The following DYNC1LI2 variants were observed in gnomAD, a reference collection of about 807,000 sequenced individuals.
DYNC1LI2 encodes dynein cytoplasmic 1 light intermediate chain 2.
Under a neutral mutation model 57.8 loss-of-function variants are expected in DYNC1LI2, and 19 were observed. The observed-to-expected ratio is 0.33, with a 90% CI of 0.23 to 0.48. DYNC1LI2 has a LOEUF of 0.48. Among genes scored for constraint, DYNC1LI2 ranks in the 20% least tolerant of loss-of-function variants. The probability of loss-of-function intolerance (pLI) is 0.99; values close to 1 mark genes in which losing one functional copy is unlikely to be tolerated. For missense variants in DYNC1LI2, 470 were observed against 604.2 expected, an observed-to-expected ratio of 0.78 and a Z score of 2.33; for synonymous variants, 256 against 233.4, an observed-to-expected ratio of 1.10 and a Z score of -0.88.
intron 12 of DYNC1LI2, among the ~76,000 whole-genome samples, chr16:66,725,043 G>A (rs1240046083): frequency 8.6e-5 from 13 of 151,688 alleles, no homozygotes; most frequent in South Asian, 2.1e-4. Context: ...ATGTGGTGGC[G>A]CGTGCCTGTA....
At chr16:66,736,937 G>C (rs1015320484) in intron 4 of DYNC1LI2, among the ~76,000 whole-genome samples, 2 of 152,182 alleles carry the variant, frequency 1.3e-5, no homozygotes, top group African/African-American at 4.8e-5. Flanking sequence ...CTGACCATTA[G>C]AAACAGCTAT....
chr16:66,745,421 G>C (rs1268621261), intron 3 of DYNC1LI2, among the ~76,000 whole-genome samples: 2 of 151,838 alleles, frequency 1.3e-5, no homozygotes. Flanking sequence ...TGGGATTACA[G>C]TTGTGTGCCA....
Position 66,729,526 on chromosome 16 carries a change from C to G in DYNC1LI2, c.1042-427G>C, listed in dbSNP as rs2017595923. 2.0e-5 allele frequency among the ~76,000 whole-genome samples: 3 copies of G among 151,774 alleles called. 1 individual carries two copies. Among genetic ancestry groups the G allele is most frequent in the Admixed American group, 6.6e-5 (1 of 15,222 alleles). Reference sequence around the variant, plus strand: ...AGGCCCTGGGACTTACTACTCCCCACTACCCCCCACAAACTATACAATGTG... The same window carrying G: ...AGGCCCTGGGACTTACTACTCCCCAGTACCCCCCACAAACTATACAATGTG... On this transcript the variant is annotated intron_variant, in intron 8 of 12. Coordinates refer to ENST00000258198, the MANE Select transcript of DYNC1LI2 (RefSeq NM_006141.3).
At chr16:66,724,969 C>T (rs763121783) in intron 12 of DYNC1LI2, among the ~76,000 whole-genome samples, 25 of 151,782 alleles carry the variant, frequency 1.6e-4, no homozygotes, top group Non-Finnish European at 2.8e-4. Flanking sequence ...GTCAGGAGTT[C>T]GAGAACAGCC....
At position 66,722,384 on chromosome 16, in the gene DYNC1LI2, G is replaced by A. The variant is rs1289075072; in HGVS notation, c.*1338C>T. On this transcript the variant is annotated 3_prime_UTR_variant, in exon 13 of 13. Coordinates refer to ENST00000258198, the MANE Select transcript of DYNC1LI2 (RefSeq NM_006141.3). The stretch of plus-strand genomic sequence containing the variant: ...ATACATTAAATTCATGGTAGTGTTT[G>A]CATTTAAATGCTGTCATATATAAAA... 1 of 152,572 alleles carries A rather than the reference G, an allele frequency of 6.6e-6. No homozygotes were observed. The highest frequency in any genetic ancestry group is 1.5e-5 in the Non-Finnish European group (1 of 68,034). 9.5% of individuals were successfully genotyped at this position (152,572 alleles called of 1,614,324 possible). A position where few individuals can be genotyped will look rare whatever the true frequency, so the allele number is the denominator to read the frequency against.
At chr16:66,738,349 AG>A (rs1475635766) in intron 4 of DYNC1LI2, 2 of 149,002 alleles carry the variant, frequency 1.3e-5, no homozygotes, top group African/African-American at 5.0e-5. Context: ...GCCGGGTTTA[AG>A]TAATTCTCTG....
chr16:66,732,672 TA>T, intron 6 of DYNC1LI2, 198 bp from the exon 7 acceptor site: 1 of 434,956 alleles, frequency 2.3e-6, no homozygotes, highest in Non-Finnish European at 3.9e-6. Flanking sequence ...AATAAATAAA[TA>T]AAAAAGTAAA....
chr16:66,723,103 A>G lies in DYNC1LI2; in HGVS notation c.*619T>C. 2.9e-6 allele frequency: 1 copy of G among 345,666 alleles called. No individual in the cohort carries two copies. 21.4% of individuals were successfully genotyped at this position (345,666 alleles called of 1,614,324 possible). A position where few individuals can be genotyped will look rare whatever the true frequency, so the allele number is the denominator to read the frequency against. ...AATTAGTACATCTTTCGTAAGTTAAAGATGCATTCAAAATAAGCCTAATTC... is the reference window on the plus strand; with the variant it reads ...AATTAGTACATCTTTCGTAAGTTAAGGATGCATTCAAAATAAGCCTAATTC... On this transcript the variant is annotated 3_prime_UTR_variant, in exon 13 of 13. Coordinates refer to ENST00000258198, the MANE Select transcript of DYNC1LI2 (RefSeq NM_006141.3).
chr16:66,730,171 T>A lies in DYNC1LI2; in HGVS notation c.982A>T (p.Thr328Ser). The A allele has an allele frequency of 6.2e-7, 1 of 1,614,114 alleles. No homozygotes were observed. The highest frequency in any genetic ancestry group is 1.6e-4 in the Middle Eastern group (1 of 6,062). Residue 328 changes from threonine (T) to serine (S), a missense_variant, in exon 8 of 13, where the codon ACA (threonine) becomes TCA (serine). Thr to Ser is a moderately conservative substitution (Grantham distance 58, BLOSUM62 1). Coordinates refer to ENST00000258198, the MANE Select transcript of DYNC1LI2 (RefSeq NM_006141.3). ...TATGCATCTTCCGGCTTCACGGTTG[T>A]AAAATTTTCATGTAAAATAGCTATT... ...KKIAILHENF[T>S]TVKPEDAYED...
intron 3 of DYNC1LI2, among the ~76,000 whole-genome samples, chr16:66,747,409 G>A (rs1394608652): frequency 2.0e-5 from 3 of 151,886 alleles, no homozygotes; most frequent in Non-Finnish European, 2.9e-5. Context: ...TCTTGGAGAT[G>A]GTAGAATTAC....
At chr16:66,734,583 G>A (rs917282002) in intron 5 of DYNC1LI2, among the ~76,000 whole-genome samples, 1 of 152,050 alleles carries the variant, frequency 6.6e-6, no homozygotes. Context: ...TCAGGAGGCA[G>A]GCCCGGTGTA....
chr16:66,747,599 T>G (rs2017960895), intron 3 of DYNC1LI2, among the ~76,000 whole-genome samples: 2 of 150,648 alleles, frequency 1.3e-5, no homozygotes, highest in Non-Finnish European at 3.0e-5. Flanking sequence ...AGAAGGAGTC[T>G]CGTTTTATCG....
intron 2 of DYNC1LI2, 87 bp from the exon 3 acceptor site, chr16:66,749,400 T>A: frequency 1.5e-6 from 2 of 1,301,194 alleles, no homozygotes; most frequent in African/African-American, 1.5e-5. Context: ...ACGGAGAAAC[T>A]AAGAATTTCA....
chr16:66,750,300 C>T (rs1790697829), intron 2 of DYNC1LI2, among the ~76,000 whole-genome samples: 1 of 152,166 alleles, frequency 6.6e-6, no homozygotes, highest in Non-Finnish European at 1.5e-5. Context: ...AGGAAAACTA[C>T]CAAGGCAGTG....
rs1232505094 is a variant in DYNC1LI2, at chr16:66,721,343, T to A, written c.*2379A>T. The A allele has an allele frequency of 6.6e-6, 1 of 152,598 alleles. No homozygotes were observed. Among genetic ancestry groups the A allele is most frequent in the African/African-American group, 2.4e-5 (1 of 41,460 alleles). 9.5% of individuals were successfully genotyped at this position (152,598 alleles called of 1,614,324 possible). A position where few individuals can be genotyped will look rare whatever the true frequency, so the allele number is the denominator to read the frequency against. ...TGGGCTTTTCTCTGATTTTTTTTTT[T>A]ATTTTAAAGACAAAAAGCAGATGTA... On this transcript the variant is annotated 3_prime_UTR_variant, in exon 13 of 13. Coordinates refer to ENST00000258198, the MANE Select transcript of DYNC1LI2 (RefSeq NM_006141.3).
rs532047220 is a variant in DYNC1LI2, at chr16:66,732,464, G to A, written c.804C>T (p.Ala268=). Residue 268 remains alanine (A), a synonymous_variant, in exon 7 of 13, where the codon GCC becomes GCT. Coordinates refer to ENST00000258198, the MANE Select transcript of DYNC1LI2 (RefSeq NM_006141.3). ...CTTCTTTCACTGATGTGTAAATCAA[G>A]GCAGCTCCATCTAATCAATCTGCTC... ...LRRFCLQYGA[A]LIYTSVKEEK... 62 of 1,611,444 alleles carry A rather than the reference G, an allele frequency of 3.8e-5. No homozygotes were observed. Among genetic ancestry groups the A allele is most frequent in the Admixed American group, 1.2e-4 (7 of 59,686 alleles).
intron 8 of DYNC1LI2, among the ~76,000 whole-genome samples, chr16:66,729,728 ACCACGC>A (rs948153560): frequency 3.3e-5 from 5 of 151,614 alleles, no homozygotes; most frequent in Non-Finnish European, 5.9e-5. Flanking sequence ...GGAATCAGCC[ACCACGC>A]CCCATCTTTA....
intron 4 of DYNC1LI2, among the ~76,000 whole-genome samples, chr16:66,737,037 C>T (rs926810406): frequency 6.6e-6 from 1 of 152,090 alleles, no homozygotes; most frequent in Non-Finnish European, 1.5e-5. Flanking sequence ...CTTTGGGAGG[C>T]CAGGGCGGGT....
intron 8 of DYNC1LI2, among the ~76,000 whole-genome samples, chr16:66,729,640 G>A (rs189666640): frequency 1.5e-5 from 2 of 137,664 alleles, no homozygotes; most frequent in Non-Finnish European, 3.0e-5. Context: ...ACAGTGGCCC[G>A]ATCTCGGCTC....
Sources: gnomAD v4.1 joint callset for allele counts (sites outside exome capture counted in the v4.1 genomes callset) on GRCh38, gnomAD v4.1.1 for gene constraint, MANE v1.5 for transcripts, NCBI Gene and HGNC (gene_info 2026-07-23, HGNC 2026-07-21) for gene names.